SEL1L3: variants seen among roughly 807,000 people sequenced by gnomAD.
SEL1L3 encodes the protein protein sel-1 homolog 3.
In SEL1L3, 76 loss-of-function variants were observed where a neutral mutation model predicts 142.8. The observed-to-expected ratio is 0.53, with a 90% CI of 0.44 to 0.64. The LOEUF is 0.64. SEL1L3 is among the 30% of genes least tolerant of loss of function. The pLI, the probability that SEL1L3 is intolerant of heterozygous loss-of-function variation, is 0.00. For synonymous variants in SEL1L3, 504 were observed against 519.6 expected (o/e 0.97, Z 0.41); for missense variants, 1,262 against 1,381.7 (o/e 0.91, Z 1.37).
chr4:25,775,531 A>G (rs1719551259), intron 17 of SEL1L3, among the ~76,000 whole-genome samples: 1 of 152,204 alleles, frequency 6.6e-6, no homozygotes, highest in Admixed American at 6.5e-5. Flanking sequence ...CATTTAAGCA[A>G]TAAAGCAGCC....
At chr4:25,798,126 G>A (rs1291135155) in intron 11 of SEL1L3, among the ~76,000 whole-genome samples, 1 of 152,126 alleles carries the variant, frequency 6.6e-6, no homozygotes, top group African/African-American at 2.4e-5. Context: ...GAACCAGATC[G>A]AAGAACGTCT....
At chr4:25,790,606 G>GGAAA in intron 11 of SEL1L3, 32 bp from the exon 12 acceptor site, 1 of 1,104,828 alleles carries the variant, frequency 9.1e-7, no homozygotes, top group Non-Finnish European at 1.3e-6. Context: ...AAGGAAGGAG[G>GGAAA]GAAAGAAGGA....
downstream of SEL1L3, among the ~76,000 whole-genome samples, chr4:25,744,542 C>T (rs995705731): frequency 5.9e-5 from 9 of 151,944 alleles, no homozygotes; most frequent in African/African-American, 7.2e-5. Flanking sequence ...TTAGTAGAGA[C>T]GAGGTTTCAC....
intron 10 of SEL1L3, among the ~76,000 whole-genome samples, chr4:25,803,263 G>C (rs991607664): frequency 5.9e-5 from 9 of 152,262 alleles, no homozygotes; most frequent in Admixed American, 1.3e-4. Flanking sequence ...CTTCGTGGCA[G>C]AGATGGGACT....
the SEL1L3 span, among the ~76,000 whole-genome samples, chr4:25,732,358 A>G: frequency 1.3e-5 from 2 of 152,214 alleles, no homozygotes; most frequent in African/African-American, 2.4e-5. Context: ...TGTCTAAAAT[A>G]TGTCCCTTAT....
the SEL1L3 span, among the ~76,000 whole-genome samples, chr4:25,732,620 C>T: frequency 3.3e-5 from 5 of 152,172 alleles, no homozygotes; most frequent in South Asian, 1.0e-3. Context: ...TTGCCATCCT[C>T]ATGGCTAGTT....
intron 2 of SEL1L3, among the ~76,000 whole-genome samples, chr4:25,846,201 G>A (rs1716497363): frequency 6.6e-6 from 1 of 152,204 alleles, no homozygotes; most frequent in South Asian, 2.1e-4. Flanking sequence ...GAACTTCAGA[G>A]TGCCGCCTCT....
chr4:25,758,869 CTT>C, intron 21 of SEL1L3, 70 bp downstream of exon 21: 1 of 1,480,756 alleles, frequency 6.8e-7, no homozygotes, highest in Non-Finnish European at 9.2e-7. Context: ...GTAAAGCTAA[CTT>C]TAACCAAGAA....
At chr4:25,810,746 G>A (rs115865085) in intron 9 of SEL1L3, among the ~76,000 whole-genome samples, 2,412 of 152,132 alleles carry the variant, frequency 0.016, 63 homozygotes, top group African/African-American at 0.055. Context: ...GGTGAACTAC[G>A]GGCCACAGCA....
chr4:25,776,321 G>T lies in SEL1L3; in HGVS notation c.2625C>A (p.Gly875=), dbSNP rs767488790. The change falls in exon 17 of 24, where the codon GGC becomes GGA. Residue 875 remains glycine, a synonymous_variant. Coordinates refer to ENST00000399878, the MANE Select transcript of SEL1L3 (RefSeq NM_015187.5). ...CATTGAGGCCTTTGCGGATGACATG[G>T]CCCAAGTAGCCATTTTTCTCAGCTA... is the stretch of plus-strand genomic sequence containing the variant. The part of the protein sequence containing the change: ...KHVAEKNGYL[G]HVIRKGLNAY... 6.2e-7 allele frequency: 1 copy of T among 1,612,610 alleles called. No homozygotes were observed. Among genetic ancestry groups the T allele is most frequent in the Non-Finnish European group, 8.5e-7 (1 of 1,179,132 alleles).
intron 20 of SEL1L3, among the ~76,000 whole-genome samples, chr4:25,764,088 G>A (rs28753900): frequency 0.19 from 28,994 of 152,116 alleles, 3,187 homozygotes; most frequent in African/African-American, 0.29. Context: ...GGTAATAATC[G>A]TAATAGGCAA....
chr4:25,741,597 C>T, the SEL1L3 span, among the ~76,000 whole-genome samples: 3 of 152,068 alleles, frequency 2.0e-5, no homozygotes, highest in African/African-American at 7.2e-5. Context: ...GGTTGATTAA[C>T]ATACATTCTT....
chr4:25,818,305 T>C (rs1295685580), intron 8 of SEL1L3, 27 bp from the exon 9 acceptor site: 5 of 1,577,312 alleles, frequency 3.2e-6, no homozygotes, highest in Admixed American at 1.8e-5. Flanking sequence ...GCAGAAGATA[T>C]CACACCCTTT....
intron 20 of SEL1L3, among the ~76,000 whole-genome samples, chr4:25,760,323 G>C (rs987085886): frequency 6.6e-6 from 1 of 152,114 alleles, no homozygotes; most frequent in South Asian, 2.1e-4. Context: ...GTCTACCATT[G>C]ATGGGCATTT....
In SEL1L3 at chr4:25,822,021, C is replaced by T; in HGVS notation, c.1265G>A (p.Arg422His). ...CTGGGCGGGGTGCAGACTGCGAAGGCGATAGTACTTCAGGGGTCCAAAAAA... is the reference window on the plus strand; with the variant it reads ...CTGGGCGGGGTGCAGACTGCGAAGGTGATAGTACTTCAGGGGTCCAAAAAA... ...EGFFGPLKYY[R>H]LRSLHPAQIF... Residue 422 changes from arginine to histidine, a missense_variant, in exon 7 of 24, where the codon CGC becomes CAC. Around this residue, in one of 3 missense-constraint regions of SEL1L3, gnomAD observed 689 missense variants for 692.8 expected, o/e 0.99. Transcript: ENST00000399878. 5 of 1,613,840 alleles carry T rather than the reference C, an allele frequency of 3.1e-6. No homozygotes were observed. The highest frequency in any genetic ancestry group is 2.7e-5 in the African/African-American group (2 of 74,998).
At chr4:25,820,517 A>T (rs1714684825) in intron 7 of SEL1L3, among the ~76,000 whole-genome samples, 1 of 152,380 alleles carries the variant, frequency 6.6e-6, no homozygotes, top group Non-Finnish European at 1.5e-5. Context: ...GGAGCGCCTC[A>T]GGAACAAGGG....
At chr4:25,756,177 A>T (rs1457988906) in intron 23 of SEL1L3, 2 of 985,292 alleles carry the variant, frequency 2.0e-6, no homozygotes, top group Non-Finnish European at 2.4e-6. Flanking sequence ...TCCAGTCCTA[A>T]TCTACCCATT....
chr4:25,799,862 G>A (rs1713057209), intron 11 of SEL1L3, among the ~76,000 whole-genome samples: 1 of 152,170 alleles, frequency 6.6e-6, no homozygotes, highest in African/African-American at 2.4e-5. Context: ...GAGTGCAGCT[G>A]AAACCAGAGG....
the SEL1L3 span, chr4:25,719,324 T>C: frequency 6.6e-6 from 1 of 152,174 alleles, no homozygotes. Flanking sequence ...ATTGAGGCGT[T>C]CTGGTTGGTT....
Sources: gnomAD v4.1 joint callset for allele counts (sites outside exome capture counted in the v4.1 genomes callset) on GRCh38, gnomAD v4.1.1 for gene constraint, gnomAD v4.1.1 regional missense constraint, MANE v1.5 for transcripts, NCBI Gene and HGNC (gene_info 2026-07-23, HGNC 2026-07-21) for gene names.